The following DGKI variants were observed in gnomAD, a reference collection of about 807,000 sequenced individuals.
The protein encoded by DGKI is DAG kinase iota.
Under a neutral mutation model 147.5 loss-of-function variants are expected in DGKI, and 55 were observed. The observed-to-expected ratio is 0.37, with a 90% CI of 0.30 to 0.47. DGKI has a LOEUF of 0.47. Ranked by LOEUF, DGKI falls within the 20% of genes least tolerant of loss-of-function variation. The probability of loss-of-function intolerance (pLI) is 1.00; values close to 1 mark genes in which losing one functional copy is unlikely to be tolerated. For missense variants in DGKI, 1,007 were observed against 1,323.8 expected, an observed-to-expected ratio of 0.76 and a Z score of 3.71; for synonymous variants, 469 against 477.1, an observed-to-expected ratio of 0.98 and a Z score of 0.22.
chr7:137,590,688 C>T (rs1819576854), intron 12 of DGKI, among the ~76,000 whole-genome samples: 1 of 152,060 alleles, frequency 6.6e-6, no homozygotes, highest in Non-Finnish European at 1.5e-5. Context: ...TGAATCGATG[C>T]TGTGTTGTTG....
At chr7:137,508,340 C>A (rs1816444610) in intron 21 of DGKI, among the ~76,000 whole-genome samples, 1 of 150,490 alleles carries the variant, frequency 6.6e-6, no homozygotes, top group African/African-American at 2.5e-5. Context: ...CTTTCTCCTG[C>A]CTCAGCCTCC....
intron 23 of DGKI, among the ~76,000 whole-genome samples, chr7:137,474,631 T>C (rs1815103737): frequency 6.6e-6 from 1 of 152,174 alleles, no homozygotes; most frequent in Non-Finnish European, 1.5e-5. Flanking sequence ...TGTTGTAGGA[T>C]GTGATCATCA....
Position 137,846,526 on chromosome 7 carries a change from C to G in DGKI, c.337G>C (p.Glu113Gln). The change falls in exon 1 of 33, where the codon GAG becomes CAG. Residue 113 changes from glutamate to glutamine, a missense_variant. Physicochemically the swap from Glu to Gln is conservative, Grantham distance 29 (BLOSUM62 2). Around this residue, in one of 5 missense-constraint regions of DGKI, gnomAD observed 259 missense variants for 362.5 expected, o/e 0.71. Coordinates refer to ENST00000614521, the MANE Select transcript of DGKI (RefSeq NM_001321708.2). This position sits in a 1 kb window ranked among gnomAD's most constrained non-coding sequence, Gnocchi z 4.0. ...LDEPAAAGQKEKDEALEEKLR... is the reference protein window; with the variant it reads ...LDEPAAAGQKQKDEALEEKLR... ...TTCTCCTCCAGCGCTTCGTCCTTCT[C>G]CTTCTGGCCGGCGGCCGCGGGCTCG... 6.4e-7 allele frequency: 1 copy of G among 1,570,028 alleles called. No homozygotes were observed. Among genetic ancestry groups the G allele is most frequent in the Non-Finnish European group, 8.6e-7 (1 of 1,161,742 alleles).
chr7:137,609,726 C>A, intron 8 of DGKI, 117 bp from the exon 9 acceptor site: 1 of 678,056 alleles, frequency 1.5e-6, no homozygotes, highest in Non-Finnish European at 2.6e-6. Flanking sequence ...GCTTCTCATG[C>A]TTTCACACTT....
intron 1 of DGKI, among the ~76,000 whole-genome samples, chr7:137,694,337 A>G (rs947276956): frequency 6.6e-6 from 1 of 151,906 alleles, no homozygotes; most frequent in Non-Finnish European, 1.5e-5. Flanking sequence ...AAAAAAAAAA[A>G]TTTATGGAAA....
chr7:137,667,406 T>C (rs927092706), intron 3 of DGKI, among the ~76,000 whole-genome samples: 1 of 152,116 alleles, frequency 6.6e-6, no homozygotes, highest in Non-Finnish European at 1.5e-5. Context: ...TGGCTTTCTC[T>C]AGTTCTGAGG....
chr7:137,725,111 AG>A (rs947703656), intron 1 of DGKI, among the ~76,000 whole-genome samples: 82 of 152,262 alleles, frequency 5.4e-4, no homozygotes, highest in African/African-American at 1.8e-3. Flanking sequence ...AACTCATCCC[AG>A]GTATTCTGTG....
At chr7:137,841,831 T>A (rs1269322770) in intron 1 of DGKI, among the ~76,000 whole-genome samples, 1 of 152,212 alleles carries the variant, frequency 6.6e-6, no homozygotes. Context: ...TTTGGCCCCA[T>A]GAGGCAATGC....
chr7:137,704,875 G>A (rs1793961887), intron 1 of DGKI, among the ~76,000 whole-genome samples: 2 of 152,162 alleles, frequency 1.3e-5, no homozygotes, highest in Non-Finnish European at 2.9e-5. Context: ...TGTTATATGT[G>A]CTGAAAGGAA....
At chr7:137,401,113 A>G (rs1257281947) in intron 30 of DGKI, among the ~76,000 whole-genome samples, 2 of 152,204 alleles carry the variant, frequency 1.3e-5, no homozygotes, top group African/African-American at 2.4e-5. Flanking sequence ...TAACTGTACA[A>G]TGTGGAGTTT....
rs954569837 is a variant in DGKI, at chr7:137,432,228, G to A, written c.2761+11849C>T. On this transcript the variant is annotated intron_variant, in intron 28 of 32. Coordinates refer to ENST00000614521, the MANE Select transcript of DGKI (RefSeq NM_001321708.2). ...ACCTCTTTTCTTTACAAATTACCCA[G>A]TCTCAGGTAATTCTGTATAGCAATG... Among the ~76,000 whole-genome samples the A allele has an allele frequency of 2.6e-5, 4 of 152,154 alleles. No individual in the cohort carries two copies. In the East Asian group the frequency reaches 7.7e-4, roughly 29 times the overall value.
intron 28 of DGKI, among the ~76,000 whole-genome samples, chr7:137,441,748 C>T (rs1189044631): frequency 5.9e-5 from 9 of 152,122 alleles, no homozygotes; most frequent in Non-Finnish European, 1.2e-4. Context: ...AATCAAGAGA[C>T]GTAAGGTTTT....
At chr7:137,812,353 C>T (rs1024001361) in intron 1 of DGKI, among the ~76,000 whole-genome samples, 12 of 152,190 alleles carry the variant, frequency 7.9e-5, no homozygotes, top group African/African-American at 2.9e-4. Context: ...TAAATGTTGA[C>T]TATCATCATC....
At chr7:137,677,951 A>G (rs976504292) in intron 3 of DGKI, among the ~76,000 whole-genome samples, 2 of 152,226 alleles carry the variant, frequency 1.3e-5, no homozygotes, top group African/African-American at 2.4e-5. Flanking sequence ...CAACATAAAG[A>G]GAATTTTAAC....
chr7:137,430,821 CTCTAAA>C (rs1813041365), intron 28 of DGKI, among the ~76,000 whole-genome samples: 2 of 151,982 alleles, frequency 1.3e-5, no homozygotes, highest in Non-Finnish European at 1.5e-5. Context: ...TAACAGGGAC[CTCTAAA>C]ATAGGGTCAG....
chr7:137,707,357 T>C (rs188442147), intron 1 of DGKI, among the ~76,000 whole-genome samples: 4 of 152,350 alleles, frequency 2.6e-5, no homozygotes, highest in Admixed American at 2.0e-4. Context: ...GAGCTTATTG[T>C]CTTGGACTGA....
At chr7:137,524,093 A>G (rs547567981) in intron 20 of DGKI, among the ~76,000 whole-genome samples, 4 of 146,482 alleles carry the variant, frequency 2.7e-5, no homozygotes, top group African/African-American at 1.1e-4. Flanking sequence ...TTCTTTCTTT[A>G]TCAATAAACA....
intron 1 of DGKI, among the ~76,000 whole-genome samples, chr7:137,693,244 TA>T (rs886821711): frequency 1.3e-5 from 2 of 151,370 alleles, no homozygotes; most frequent in South Asian, 2.1e-4. Context: ...TTGCTCCTAT[TA>T]AAAAAAAATC....
At chr7:137,538,003 G>A (rs1817575321) in intron 20 of DGKI, among the ~76,000 whole-genome samples, 1 of 152,146 alleles carries the variant, frequency 6.6e-6, no homozygotes, top group African/African-American at 2.4e-5. Context: ...AGAATAAAGA[G>A]ACCTTTCATA....
Sources: gnomAD v4.1 joint callset for allele counts (sites outside exome capture counted in the v4.1 genomes callset) on GRCh38, gnomAD v4.1.1 for gene constraint, gnomAD v4.1.1 regional missense constraint, Gnocchi (gnomAD v3.1) non-coding constraint, MANE v1.5 for transcripts, NCBI Gene and HGNC (gene_info 2026-07-23, HGNC 2026-07-21) for gene names.